Variants in ZNF565 observed in about 807,000 individuals in gnomAD.
ZNF565 encodes zinc finger protein 565.
ZNF565 carries 27 observed loss-of-function variants against 39.4 expected under a neutral mutation model. The ratio of observed to expected loss-of-function variants is 0.69; its 90% CI spans 0.51 to 0.95. The LOEUF (loss-of-function observed/expected upper bound fraction) is 0.95, where lower values mean the gene tolerates loss of function less well. Ranked by LOEUF, ZNF565 falls within the 40% of genes least tolerant of loss-of-function variation. ZNF565 has a pLI of 0.00. For synonymous variants in ZNF565, 185 were observed against 216.6 expected, an observed-to-expected ratio of 0.85 and a Z score of 1.28; for missense variants, 524 against 621.1, an observed-to-expected ratio of 0.84 and a Z score of 1.66.
At chr19:36,195,366 AT>A in intron 2 of ZNF565, among the ~76,000 whole-genome samples, 1 of 152,164 alleles carries the variant, frequency 6.6e-6, no homozygotes, top group South Asian at 2.1e-4. Context: ...CAAATCCCAC[AT>A]GCCAAACATC....
intron 1 of ZNF565, among the ~76,000 whole-genome samples, chr19:36,243,226 G>T (rs1359735392): frequency 6.6e-6 from 1 of 152,080 alleles, no homozygotes; most frequent in Non-Finnish European, 1.5e-5. Flanking sequence ...TAGAGATGGA[G>T]TTTTGTCCTG....
At chr19:36,211,167 G>A (rs941694410) in intron 1 of ZNF565, among the ~76,000 whole-genome samples, 3 of 152,064 alleles carry the variant, frequency 2.0e-5, no homozygotes, top group Admixed American at 6.6e-5. Flanking sequence ...ATAAGGCCAG[G>A]CGAGGTGGCT....
chr19:36,226,969 G>A (rs1977093757), intron 1 of ZNF565, among the ~76,000 whole-genome samples: 1 of 152,130 alleles, frequency 6.6e-6, no homozygotes, highest in Non-Finnish European at 1.5e-5. Flanking sequence ...TATAGTCCCA[G>A]CTGCTCCGGA....
Position 36,195,140 on chromosome 19 carries a change from C to T in ZNF565, c.26G>A (p.Arg9Lys), listed in dbSNP as rs754906669. MAQGLVTFRDVAIEFSLEE... is the reference protein window; with the variant it reads MAQGLVTFKDVAIEFSLEE... ...CAGAGAGAACTCTATGGCCACGTCC[C>T]TGAATGTCACCAGTCCCTGAAACAA... is the stretch of plus-strand genomic sequence containing the variant. Residue 9 changes from arginine to lysine, a missense_variant, in exon 3 of 5, where the codon AGG (arginine) becomes AAG (lysine). Physicochemically the swap from Arg to Lys is conservative, Grantham distance 26. Coordinates refer to ENST00000304116, the MANE Select transcript of ZNF565 (RefSeq NM_152477.5). The T allele has an allele frequency of 1.9e-6, 3 of 1,613,896 alleles. No homozygotes were observed. The highest frequency in any genetic ancestry group is 1.3e-5 in the African/African-American group (1 of 74,932).
intron 1 of ZNF565, among the ~76,000 whole-genome samples, chr19:36,214,077 C>T (rs1262082139): frequency 6.6e-6 from 1 of 151,910 alleles, no homozygotes; most frequent in Non-Finnish European, 1.5e-5. Flanking sequence ...TGTGGACATA[C>T]ACACAGTCAC....
intron 1 of ZNF565, among the ~76,000 whole-genome samples, chr19:36,222,545 C>G (rs1422586404): frequency 1.3e-5 from 2 of 152,102 alleles, no homozygotes; most frequent in Non-Finnish European, 2.9e-5. Context: ...AGTGTAGTGT[C>G]GAATATTTGG....
At chr19:36,197,276 AAAAC>A (rs765066072) in intron 2 of ZNF565, among the ~76,000 whole-genome samples, 40 of 151,794 alleles carry the variant, frequency 2.6e-4, no homozygotes, top group East Asian at 1.7e-3. Flanking sequence ...TGTCTCAAAA[AAAAC>A]AAACAAACAA....
chr19:36,233,741 C>T (rs1977504086), intron 1 of ZNF565, among the ~76,000 whole-genome samples: 1 of 152,210 alleles, frequency 6.6e-6, no homozygotes, highest in Admixed American at 6.5e-5. Context: ...CAGCATGTCC[C>T]ACCTCCAGCC....
chr19:36,213,336 G>C (rs932286533), intron 1 of ZNF565: 3 of 152,116 alleles, frequency 2.0e-5, no homozygotes, highest in African/African-American at 7.2e-5. Context: ...AGCTTCCCGG[G>C]TAGCTGGGAC....
chr19:36,200,346 T>C (rs1975911476), intron 2 of ZNF565, among the ~76,000 whole-genome samples: 1 of 151,982 alleles, frequency 6.6e-6, no homozygotes, highest in Admixed American at 6.6e-5. Flanking sequence ...AAAAATATTT[T>C]AACAACAAAT....
chr19:36,185,536 G>A (rs12979812), intron 4 of ZNF565, among the ~76,000 whole-genome samples: 8,161 of 151,620 alleles, frequency 0.054, 261 homozygotes, highest in Non-Finnish European at 0.067. Context: ...TCTTCACATT[G>A]AACATTCTCC....
At chr19:36,222,087 A>G (rs1481444736) in intron 1 of ZNF565, among the ~76,000 whole-genome samples, 1 of 151,168 alleles carries the variant, frequency 6.6e-6, no homozygotes, top group African/African-American at 2.4e-5. Context: ...ACTCCACCAC[A>G]CCTGGCTTTT....
chr19:36,185,997 CTTTTTTT>C (rs376526191), intron 4 of ZNF565, among the ~76,000 whole-genome samples: 2 of 147,430 alleles, frequency 1.4e-5, no homozygotes, highest in East Asian at 4.0e-4. Flanking sequence ...CCTGGCTTGT[CTTTTTTT>C]TTTAATATTT....
chr19:36,204,687 G>T (rs1466174617), intron 1 of ZNF565, among the ~76,000 whole-genome samples: 1 of 152,050 alleles, frequency 6.6e-6, no homozygotes, highest in Admixed American at 6.6e-5. Context: ...GACATCAGGG[G>T]TTAGAAAATG....
intron 1 of ZNF565, among the ~76,000 whole-genome samples, chr19:36,220,171 A>G (rs1204027303): frequency 6.6e-6 from 1 of 152,168 alleles, no homozygotes. Flanking sequence ...GAATGGTATT[A>G]GAGACAAGAT....
chr19:36,192,515 C>G (rs553276376), intron 4 of ZNF565, among the ~76,000 whole-genome samples: 9 of 151,890 alleles, frequency 5.9e-5, no homozygotes, highest in Non-Finnish European at 1.3e-4. Flanking sequence ...TTGAGGTGGG[C>G]AGGTCACTTG....
In ZNF565 at chr19:36,183,377, A is replaced by G; in HGVS notation, c.589T>C (p.Cys197Arg). Reference sequence around the variant, plus strand: ...CTGAAGGCCTTCCCACATTCCTTACATCCAAAGGGTTTTTCACCAGTGTGA... The same window carrying G: ...CTGAAGGCCTTCCCACATTCCTTACGTCCAAAGGGTTTTTCACCAGTGTGA... ...KIHTGEKPFG[C>R]KECGKAFSRA... is the part of the protein sequence containing the mutation. Residue 197 changes from cysteine to arginine, a missense_variant, in exon 5 of 5, where the codon TGT becomes CGT. Transcript: ENST00000304116. The G allele has an allele frequency of 6.2e-7, 1 of 1,608,514 alleles. No individual in the cohort carries two copies. The highest frequency in any genetic ancestry group is 8.5e-7 in the Non-Finnish European group (1 of 1,175,050).
At chr19:36,209,287 T>C (rs1049033814) in intron 1 of ZNF565, among the ~76,000 whole-genome samples, 1 of 151,942 alleles carries the variant, frequency 6.6e-6, no homozygotes, top group Admixed American at 6.6e-5. Flanking sequence ...TCCCAGCACT[T>C]TGGGAGGCCG....
chr19:36,241,593 G>T (rs1251748071), intron 1 of ZNF565, among the ~76,000 whole-genome samples: 1 of 151,554 alleles, frequency 6.6e-6, no homozygotes, highest in Non-Finnish European at 1.5e-5. Flanking sequence ...AGGAGTTCAA[G>T]ATCAGCCTGG....
Sources: gnomAD v4.1 joint callset for allele counts (sites outside exome capture counted in the v4.1 genomes callset) on GRCh38, gnomAD v4.1.1 for gene constraint, MANE v1.5 for transcripts, NCBI Gene and HGNC (gene_info 2026-07-23, HGNC 2026-07-21) for gene names.